BRWD3: variants seen among roughly 807,000 people sequenced by gnomAD.
BRWD3 encodes the protein bromodomain and WD repeat domain containing 3.
In BRWD3, 10 loss-of-function variants were observed where a neutral mutation model predicts 149.7. That is an observed-to-expected ratio of 0.07 (90% CI 0.04 to 0.11). BRWD3 has a LOEUF of 0.11. Ranked by LOEUF, BRWD3 falls within the 10% of genes least tolerant of loss-of-function variation. The pLI, the probability that BRWD3 is intolerant of heterozygous loss-of-function variation, is 1.00. For missense variants in BRWD3, 940 were observed against 1,373.2 expected (o/e 0.68, Z 4.99); for synonymous variants, 504 against 456.7 (o/e 1.10, Z -1.32).
At chrX:80,763,204 A>C (rs2073820976) in intron 6 of BRWD3, among the ~76,000 whole-genome samples, 1 of 111,541 alleles carries the variant, frequency 9.0e-6, no homozygotes, top group Non-Finnish European at 1.9e-5. Flanking sequence ...GTAGAAATTG[A>C]AGCATAGAAG....
At chrX:80,803,369 C>T (rs1483246364) in intron 4 of BRWD3, among the ~76,000 whole-genome samples, 3 of 111,505 alleles carry the variant, frequency 2.7e-5, no homozygotes, top group African/African-American at 9.8e-5. Flanking sequence ...AACACCAGCT[C>T]TCTTCACTTT....
intron 6 of BRWD3, among the ~76,000 whole-genome samples, chrX:80,773,640 T>A (rs1330503733): frequency 8.9e-6 from 1 of 111,915 alleles, no homozygotes; most frequent in Non-Finnish European, 1.9e-5. Context: ...TAATTCCTAC[T>A]CTTCCAGGGC....
chrX:80,799,874 C>T (rs149797221), intron 4 of BRWD3, among the ~76,000 whole-genome samples: 104 of 111,147 alleles, frequency 9.4e-4, no homozygotes, highest in Non-Finnish European at 1.6e-3. Flanking sequence ...TACTAAAGTT[C>T]GGTTAGGACA....
At chrX:80,789,053 T>G (rs1440194068) in intron 6 of BRWD3, among the ~76,000 whole-genome samples, 3 of 111,969 alleles carry the variant, frequency 2.7e-5, no homozygotes, top group South Asian at 7.6e-4. Flanking sequence ...AAGACAGCCT[T>G]TTATGTCAAT....
intron 4 of BRWD3, among the ~76,000 whole-genome samples, chrX:80,798,243 A>T (rs1016298388): frequency 8.9e-6 from 1 of 111,782 alleles, no homozygotes; most frequent in Non-Finnish European, 1.9e-5. Context: ...CTTCCAAACT[A>T]TATCGATGTA....
chrX:80,766,141 T>G (rs750998577), intron 6 of BRWD3, among the ~76,000 whole-genome samples: 32 of 111,748 alleles, frequency 2.9e-4, no homozygotes, highest in Non-Finnish European at 2.1e-4. Context: ...GTGGGCTTTA[T>G]TCAATACCTT....
At position 80,809,804 on chromosome X, in the gene BRWD3, A is replaced by AGAGAGAG. The variant is rs2074394543; in HGVS notation, c.-334_-333insCTCTCTC. ...GAGAGAGAGAGAGAGAGAGAGAGAG[A>AGAGAGAG]CGCGGGGGGTGGGGGGGCGGAGAGA... On this transcript the variant is annotated 5_prime_UTR_variant, in exon 1 of 41. Transcript: ENST00000373275. 2 of 32,494 alleles carry AGAGAGAG rather than the reference A, an allele frequency of 6.2e-5. No individual in the cohort carries two copies. Among genetic ancestry groups the AGAGAGAG allele is most frequent in the Non-Finnish European group, 5.0e-5 (1 of 19,881 alleles). The allele number at this position is 32,494 out of a possible 1,213,427, so 2.7% of individuals were successfully genotyped here. A position where few individuals can be genotyped will look rare whatever the true frequency, so the allele number is the denominator to read the frequency against.
intron 6 of BRWD3, among the ~76,000 whole-genome samples, chrX:80,765,724 T>C (rs1004640058): frequency 6.3e-5 from 7 of 111,897 alleles, no homozygotes; most frequent in African/African-American, 2.3e-4. Flanking sequence ...TAATATGAAT[T>C]GATGTTAATT....
At chrX:80,795,074 T>TA (rs1298946801) in intron 4 of BRWD3, among the ~76,000 whole-genome samples, 1 of 111,374 alleles carries the variant, frequency 9.0e-6, no homozygotes, top group Admixed American at 9.6e-5. Flanking sequence ...AACTTGTTTT[T>TA]AAAAAAACAA....
chrX:80,792,008 G>T, intron 5 of BRWD3, 56 bp from the exon 6 acceptor site: 1 of 726,709 alleles, frequency 1.4e-6, no homozygotes, highest in Non-Finnish European at 2.1e-6. Flanking sequence ...TTTTAACCAT[G>T]TCTCAGAAGC....
chrX:80,783,243 C>T (rs944598944), intron 6 of BRWD3, among the ~76,000 whole-genome samples: 7 of 109,849 alleles, frequency 6.4e-5, no homozygotes, highest in Non-Finnish European at 1.1e-4. Context: ...AAAAATTAGC[C>T]AGGCATAGTA....
rs1306440344 is a variant in BRWD3, at chrX:80,719,558, C to T, written c.1975G>A (p.Asp659Asn). 1 of 1,208,389 alleles carries T rather than the reference C, an allele frequency of 8.3e-7. No individual in the cohort carries two copies. The highest frequency in any genetic ancestry group is 3.0e-5 in the East Asian group (1 of 33,757). Residue 659 changes from aspartate (D) to asparagine (N), a missense_variant, in exon 18 of 41, where the codon GAC (aspartate) becomes AAC (asparagine). Coordinates refer to ENST00000373275, the MANE Select transcript of BRWD3 (RefSeq NM_153252.5). ...GIIRELQREQ[D>N]LRLINEGDVP... The stretch of plus-strand genomic sequence containing the variant: ...TCTCCTTCATTAATTAGTCTCAGGT[C>T]TTGTTCTCTCTGCAGCTCCCTGATT...
chrX:80,691,012 A>G, intron 31 of BRWD3, 41 bp downstream of exon 31: 1 of 1,189,321 alleles, frequency 8.4e-7, no homozygotes, highest in Non-Finnish European at 1.1e-6. Flanking sequence ...AAAAGCCATA[A>G]AGCTATAAAT....
intron 27 of BRWD3, among the ~76,000 whole-genome samples, chrX:80,694,143 G>A (rs1045418145): frequency 1.8e-5 from 2 of 111,796 alleles, no homozygotes; most frequent in African/African-American, 6.5e-5. Flanking sequence ...ACTAAAAGGG[G>A]CCAAGGTACT....
At chrX:80,689,261 A>C (rs1385950029) in intron 33 of BRWD3, among the ~76,000 whole-genome samples, 1 of 111,549 alleles carries the variant, frequency 9.0e-6, no homozygotes, top group African/African-American at 3.2e-5. Context: ...AAAATCAGGA[A>C]TACGAGGGTC....
Position 80,681,467 on chromosome X carries a change from G to A in BRWD3, c.4528C>T (p.Leu1510=). Residue 1510 remains leucine, a synonymous_variant, in exon 40 of 41, where the codon CTA becomes TTA. Coordinates refer to ENST00000373275, the MANE Select transcript of BRWD3 (RefSeq NM_153252.5). ...GGCCCATCTGGCTCATCATCAAGTAGATATAGTGAAAGCCCTTCAGCAGCA... is the reference window on the plus strand; with the variant it reads ...GGCCCATCTGGCTCATCATCAAGTAAATATAGTGAAAGCCCTTCAGCAGCA... ...SDAAEGLSLY[L]LDDEPDGPFS... The A allele has an allele frequency of 2.5e-6, 3 of 1,208,332 alleles. No individual in the cohort carries two copies. The African/African-American group carries it at 5.2e-5, about 21-fold the overall frequency.
intron 24 of BRWD3, among the ~76,000 whole-genome samples, chrX:80,701,654 A>G (rs1274802646): frequency 9.1e-6 from 1 of 109,523 alleles, no homozygotes; most frequent in Non-Finnish European, 1.9e-5. Flanking sequence ...AACATACTCT[A>G]CCAATCAATA....
intron 14 of BRWD3, among the ~76,000 whole-genome samples, chrX:80,728,423 C>G (rs891053958): frequency 9.0e-6 from 1 of 111,296 alleles, no homozygotes; most frequent in Admixed American, 9.6e-5. Flanking sequence ...AAATAAGGTA[C>G]GCTCTACCCC....
intron 3 of BRWD3, 138 bp downstream of exon 3, chrX:80,808,875 C>G (rs2074379506): frequency 2.9e-6 from 2 of 688,661 alleles, no homozygotes; most frequent in Non-Finnish European, 4.5e-6. Flanking sequence ...AGGGAAGAAG[C>G]CAATTCACCC....
Sources: allele counts gnomAD v4.1 joint callset (sites outside exome capture counted in the v4.1 genomes callset), GRCh38; gene constraint gnomAD v4.1.1; transcripts MANE v1.5; gene names NCBI Gene and HGNC (gene_info 2026-07-23, HGNC 2026-07-21).